The following CLIP1 variants were observed in gnomAD, a reference collection of about 807,000 sequenced individuals.
The protein encoded by CLIP1 is CAP-Gly domain containing linker protein 1, also known as CAP-Gly domain-containing linker protein 1.
Under a neutral mutation model 161.6 loss-of-function variants are expected in CLIP1, and 66 were observed. The ratio of observed to expected loss-of-function variants is 0.41; its 90% CI spans 0.33 to 0.50. The LOEUF (loss-of-function observed/expected upper bound fraction) is 0.50, where lower values mean the gene tolerates loss of function less well. CLIP1 is among the 20% of genes least tolerant of loss of function. CLIP1 has a pLI of 0.27. For missense variants in CLIP1, 1,376 were observed against 1,702.0 expected (o/e 0.81, Z 3.37); for synonymous variants, 598 against 626.2 (o/e 0.96, Z 0.67).
intron 3 of CLIP1, among the ~76,000 whole-genome samples, chr12:122,365,839 T>C (rs1480444892): frequency 6.6e-6 from 1 of 151,634 alleles, no homozygotes; most frequent in Non-Finnish European, 1.5e-5. Context: ...GAAGACCCTG[T>C]CTGTACAAAT....
intron 20 of CLIP1, among the ~76,000 whole-genome samples, chr12:122,307,036 G>A (rs1477292629): frequency 2.7e-5 from 3 of 112,430 alleles, no homozygotes; most frequent in Non-Finnish European, 5.0e-5. Flanking sequence ...TTGAGACAGA[G>A]TCTCACTCTG....
At chr12:122,400,357 A>G (rs777461315) in intron 1 of CLIP1, 18 of 152,120 alleles carry the variant, frequency 1.2e-4, no homozygotes, top group Non-Finnish European at 2.4e-4. Flanking sequence ...AAAAAAAATT[A>G]TGGGCCTGCT....
intron 20 of CLIP1, among the ~76,000 whole-genome samples, chr12:122,292,062 G>C (rs1950269871): frequency 6.6e-6 from 1 of 152,118 alleles, no homozygotes; most frequent in African/African-American, 2.4e-5. Context: ...CAAAATCTCG[G>C]CTCACTGCAA....
intron 9 of CLIP1, 76 bp from the exon 10 acceptor site, chr12:122,347,555 C>T: frequency 8.8e-7 from 1 of 1,132,774 alleles, no homozygotes; most frequent in Non-Finnish European, 1.3e-6. Flanking sequence ...GAGACAGCGG[C>T]ATGCAGGCTG....
In CLIP1 at chr12:122,341,262, C is replaced by T; in HGVS notation, c.1942G>A (p.Gly648Arg). 6.2e-7 allele frequency: 1 copy of T among 1,614,032 alleles called. No individual in the cohort carries two copies. Among genetic ancestry groups the T allele is most frequent in the South Asian group, 1.1e-5 (1 of 91,062 alleles). Residue 648 changes from glycine to arginine, a missense_variant, in exon 11 of 26, where the codon GGG becomes AGG. Gly to Arg is a moderately radical substitution (Grantham distance 125). This residue lies in a region of CLIP1 where 948 missense variants were observed against 1,134.8 expected (regional missense o/e 0.84). Coordinates refer to ENST00000620786, the MANE Select transcript of CLIP1 (RefSeq NM_001247997.2). ...AATTCTGCCGTCTCTGTTCCAAGCC[C>T]TTTGCTGAAAGATACCTTCAGTTCT... ...MEELKVSFSK[G>R]LGTETAEFAE...
intron 1 of CLIP1, among the ~76,000 whole-genome samples, chr12:122,404,548 C>G (rs1226227435): frequency 6.6e-6 from 1 of 151,544 alleles, no homozygotes; most frequent in Non-Finnish European, 1.5e-5. Context: ...TGCAGTGAGC[C>G]AAGATTGCGC....
chr12:122,354,817 C>T, intron 6 of CLIP1: 1 of 573,866 alleles, frequency 1.7e-6, no homozygotes, highest in South Asian at 2.2e-5. Context: ...CCACAAACAG[C>T]AGCTATAATC....
intron 21 of CLIP1, among the ~76,000 whole-genome samples, chr12:122,285,261 T>C (rs185765000): frequency 2.8e-4 from 42 of 150,492 alleles, no homozygotes; most frequent in Admixed American, 1.0e-3. Context: ...GGAGTCTTGC[T>C]CTGTCACCAG....
At chr12:122,392,621 G>A (rs914687097) in intron 1 of CLIP1, among the ~76,000 whole-genome samples, 14 of 152,076 alleles carry the variant, frequency 9.2e-5, no homozygotes, top group African/African-American at 3.1e-4. Flanking sequence ...ATGGCAAGCC[G>A]GCTCGAGAAT....
rs1471770389 is a variant in CLIP1 at position 122,354,557 on chromosome 12, C to T, written c.1204-1G>A. 6.2e-7 allele frequency: 1 copy of T among 1,611,716 alleles called. No individual in the cohort carries two copies. The highest frequency in any genetic ancestry group is 2.2e-5 in the East Asian group (1 of 44,840). On this transcript the variant is annotated splice_acceptor_variant, in intron 6 of 25. Transcript: ENST00000620786. LOFTEE classifies it high-confidence loss of function. ...TTTTGGCTTCCAATTCCAGGACATG[C>T]TGGGGAAGGCAAGAATGTCGGTAAA...
chr12:122,387,691 C>T (rs1955388393), intron 1 of CLIP1, among the ~76,000 whole-genome samples: 1 of 146,466 alleles, frequency 6.8e-6, no homozygotes, highest in Non-Finnish European at 1.5e-5. Flanking sequence ...CCTCAACCTC[C>T]TGGACTCAAG....
In CLIP1 at chr12:122,394,641, A is replaced by G. The variant is rs370835495; in HGVS notation, c.-106-14083T>C. ...AGTGGCTCATGCCTGTAATCCCAGC[A>G]TTTTGGGAGGCCGAGGTGGACGGAT... On this transcript the variant is annotated intron_variant, in intron 1 of 25. Coordinates refer to ENST00000620786, the MANE Select transcript of CLIP1 (RefSeq NM_001247997.2). Among the ~76,000 whole-genome samples the G allele has an allele frequency of 1.2e-3, 189 of 151,996 alleles. 1 individual carries two copies. Among genetic ancestry groups the G allele is most frequent in the African/African-American group, 4.2e-3 (175 of 41,456 alleles).
rs1006242314 is a variant in CLIP1, at chr12:122,419,397, T to A, written c.-107+3124A>T. On this transcript the variant is annotated intron_variant, in intron 1 of 25. Coordinates refer to ENST00000620786, the MANE Select transcript of CLIP1 (RefSeq NM_001247997.2). ...AAAAAAAAAATTAATTAAAAAAAAA[T>A]AAGAAACGTTTACTGAGTACATGGA... 4.0e-5 allele frequency among the ~76,000 whole-genome samples: 6 copies of A among 149,494 alleles called. No homozygotes were observed. In the South Asian group the frequency reaches 1.1e-3, roughly 26 times the overall value.
At chr12:122,406,262 A>G (rs937204108) in intron 1 of CLIP1, among the ~76,000 whole-genome samples, 64 of 152,274 alleles carry the variant, frequency 4.2e-4, no homozygotes, top group African/African-American at 1.5e-3. Context: ...CCTAGGAAAC[A>G]TGGCGAAACC....
intron 10 of CLIP1, among the ~76,000 whole-genome samples, chr12:122,346,691 C>A (rs1239791466): frequency 6.6e-6 from 1 of 151,960 alleles, no homozygotes; most frequent in African/African-American, 2.4e-5. Context: ...TCAGTAAAGA[C>A]AGGGTTTCAC....
At chr12:122,299,773 G>A (rs377746045) in intron 20 of CLIP1, among the ~76,000 whole-genome samples, 2 of 151,674 alleles carry the variant, frequency 1.3e-5, no homozygotes, top group Non-Finnish European at 2.9e-5. Context: ...AAAATTAGCC[G>A]GGCGTGGTGG....
intron 20 of CLIP1, among the ~76,000 whole-genome samples, chr12:122,289,310 T>G (rs1487775688): frequency 4.0e-5 from 6 of 151,858 alleles, no homozygotes; most frequent in African/African-American, 1.5e-4. Flanking sequence ...TCCCAGCTAC[T>G]CAGGAGGCTG....
chr12:122,400,836 G>A (rs1956116631), intron 1 of CLIP1: 1 of 151,610 alleles, frequency 6.6e-6, no homozygotes, highest in African/African-American at 2.4e-5. Flanking sequence ...TCAAACTAAA[G>A]CATCAAGTAA....
rs1020981168 is a variant in CLIP1, at chr12:122,364,044, A to C, written c.721T>G (p.Trp241Gly). Residue 241 changes from tryptophan (W) to glycine (G), a missense_variant, in exon 4 of 26, where the codon TGG (tryptophan) becomes GGG (glycine). By Grantham distance (184) the Trp-to-Gly change is radical (BLOSUM62 -2). Coordinates refer to ENST00000620786, the MANE Select transcript of CLIP1 (RefSeq NM_001247997.2). The part of the protein sequence containing the change: ...LGETDFAKGE[W>G]CGVELDEPLG... ...GGCTCATCTAACTCCACGCCACACCACTCCCCCTTGGCAAAGTCGGTCTCC... is the reference window on the plus strand; with the variant it reads ...GGCTCATCTAACTCCACGCCACACCCCTCCCCCTTGGCAAAGTCGGTCTCC... 6.2e-7 allele frequency: 1 copy of C among 1,613,118 alleles called. No homozygotes were observed.
Sources: gnomAD v4.1 joint callset for allele counts (sites outside exome capture counted in the v4.1 genomes callset) on GRCh38, gnomAD v4.1.1 for gene constraint, gnomAD v4.1.1 regional missense constraint, MANE v1.5 for transcripts, NCBI Gene and HGNC (gene_info 2026-07-23, HGNC 2026-07-21) for gene names.